Variants in NRG1 observed in about 807,000 individuals in gnomAD.
NRG1 encodes neuregulin 1.
A neutral mutation model predicts 63.8 loss-of-function variants in NRG1; 18 were observed. The observed-to-expected ratio is 0.28, with a 90% CI of 0.19 to 0.42. The LOEUF is 0.42. NRG1 is among the 10% of genes least tolerant of loss of function. The pLI, the probability that NRG1 is intolerant of heterozygous loss-of-function variation, is 1.00. For synonymous variants in NRG1, 302 were observed against 301.3 expected (o/e 1.00, Z -0.02); for missense variants, 762 against 814.7 (o/e 0.94, Z 0.79).
At chr8:32,336,139 G>C (rs1450687053) in intron 1 of NRG1, among the ~76,000 whole-genome samples, 2 of 152,240 alleles carry the variant, frequency 1.3e-5, no homozygotes, top group African/African-American at 4.8e-5. Context: ...CTATGAATGG[G>C]ATAGCCCACA....
chr8:32,701,395 C>T (rs940456393), intron 5 of NRG1, among the ~76,000 whole-genome samples: 2 of 151,962 alleles, frequency 1.3e-5, no homozygotes, highest in African/African-American at 2.4e-5. Context: ...GACGACTTGC[C>T]AGTAAATGCC....
At chr8:32,575,766 G>A (rs955085502) in intron 1 of NRG1, among the ~76,000 whole-genome samples, 3 of 152,174 alleles carry the variant, frequency 2.0e-5, no homozygotes, top group African/African-American at 7.2e-5. Flanking sequence ...GGGAATGGCA[G>A]TTCTTACACC....
intron 1 of NRG1, among the ~76,000 whole-genome samples, chr8:31,992,757 T>C (rs1318556260): frequency 6.6e-6 from 1 of 152,030 alleles, no homozygotes. Context: ...TTGTCATAAT[T>C]ATGGGCAGAT....
At chr8:31,953,816 A>G (rs986638007) in intron 1 of NRG1, among the ~76,000 whole-genome samples, 2 of 152,222 alleles carry the variant, frequency 1.3e-5, no homozygotes, top group African/African-American at 4.8e-5. Context: ...TTGAACATCA[A>G]GAATGGAGAA....
chr8:31,798,758 ACT>A (rs1821478576), intron 1 of NRG1, among the ~76,000 whole-genome samples: 1 of 152,096 alleles, frequency 6.6e-6, no homozygotes, highest in South Asian at 2.1e-4. Context: ...AAGTTAAATA[ACT>A]CTAATTAGGA....
intron 1 of NRG1, among the ~76,000 whole-genome samples, chr8:31,878,184 G>T (rs1268639124): frequency 2.0e-5 from 3 of 152,136 alleles, no homozygotes; most frequent in African/African-American, 7.2e-5. Flanking sequence ...AGGCACCCAG[G>T]ACTTTGCTAT....
At chr8:32,576,773 A>G (rs1839717990) in intron 1 of NRG1, among the ~76,000 whole-genome samples, 1 of 151,600 alleles carries the variant, frequency 6.6e-6, no homozygotes, top group Non-Finnish European at 1.5e-5. Context: ...TTAAAAAAAT[A>G]ATTTCGACTT....
chr8:31,876,496 A>G (rs962126355), intron 1 of NRG1, among the ~76,000 whole-genome samples: 3 of 152,198 alleles, frequency 2.0e-5, no homozygotes, highest in Non-Finnish European at 2.9e-5. Context: ...TTTTACTTGT[A>G]ATAGTGAATA....
intron 1 of NRG1, among the ~76,000 whole-genome samples, chr8:31,759,235 TA>T (rs964580661): frequency 6.6e-6 from 1 of 152,144 alleles, no homozygotes; most frequent in Admixed American, 6.6e-5. Flanking sequence ...AGAATAATTT[TA>T]AAATATTGAT....
chr8:32,011,707 A>G (rs1240279809), intron 1 of NRG1, among the ~76,000 whole-genome samples: 1 of 152,082 alleles, frequency 6.6e-6, no homozygotes, highest in East Asian at 1.9e-4. Flanking sequence ...AATGGAAGCA[A>G]TAGAAAGTCA....
chr8:31,686,005 G>GAGAAATAAAATTCCACTCCT (rs1563291489), intron 1 of NRG1, among the ~76,000 whole-genome samples: 9 of 152,116 alleles, frequency 5.9e-5, no homozygotes, highest in African/African-American at 2.2e-4. Context: ...TCTCTTAGGT[G>GAGAAATAAAATTCCACTCCT]TATACCTAGG....
At chr8:32,259,063 A>G (rs905157817) in intron 1 of NRG1, among the ~76,000 whole-genome samples, 3 of 152,188 alleles carry the variant, frequency 2.0e-5, no homozygotes, top group African/African-American at 7.2e-5. Context: ...AGACTTGGTA[A>G]ATCCAAATGA....
chr8:31,751,457 T>A (rs2131459357), intron 1 of NRG1, among the ~76,000 whole-genome samples: 1 of 151,966 alleles, frequency 6.6e-6, no homozygotes, highest in East Asian at 1.9e-4. Context: ...AAGGCAAACA[T>A]GGCTGAAGGA....
At chr8:31,752,641 G>A (rs1019866286) in intron 1 of NRG1, among the ~76,000 whole-genome samples, 4 of 152,100 alleles carry the variant, frequency 2.6e-5, no homozygotes, top group African/African-American at 9.6e-5. Flanking sequence ...ATTGAAAATC[G>A]GGATGTGAGG....
At chr8:31,707,494 T>G (rs2131228113) in intron 1 of NRG1, among the ~76,000 whole-genome samples, 1 of 152,214 alleles carries the variant, frequency 6.6e-6, no homozygotes, top group Non-Finnish European at 1.5e-5. Flanking sequence ...TCTTTTTTCT[T>G]TATAAACTTC....
chr8:32,212,567 C>T (rs1267655794), intron 1 of NRG1, among the ~76,000 whole-genome samples: 1 of 152,074 alleles, frequency 6.6e-6, no homozygotes, highest in African/African-American at 2.4e-5. Context: ...TAGTATTTTC[C>T]ATGAGCTTTC....
At chr8:32,649,519 A>G (rs1854518396) in intron 5 of NRG1, among the ~76,000 whole-genome samples, 2 of 152,228 alleles carry the variant, frequency 1.3e-5, no homozygotes, top group African/African-American at 4.8e-5. Context: ...GGGTTAAAAG[A>G]GAGTTGACAA....
intron 5 of NRG1, among the ~76,000 whole-genome samples, chr8:32,708,640 G>C (rs1817031789): frequency 6.6e-6 from 1 of 152,138 alleles, no homozygotes; most frequent in African/African-American, 2.4e-5. Flanking sequence ...AATAAGTGCA[G>C]GTAAATAATA....
chr8:32,156,876 T>G (rs1838142901), intron 1 of NRG1, among the ~76,000 whole-genome samples: 1 of 152,104 alleles, frequency 6.6e-6, no homozygotes, highest in Non-Finnish European at 1.5e-5. Flanking sequence ...GCTGAAGGCT[T>G]CAGTGAGCTG....
Sources: gnomAD v4.1 joint callset for allele counts (sites outside exome capture counted in the v4.1 genomes callset) on GRCh38, gnomAD v4.1.1 for gene constraint, MANE v1.5 for transcripts, NCBI Gene and HGNC (gene_info 2026-07-23, HGNC 2026-07-21) for gene names.